Variants in ERC2 observed in about 807,000 individuals in gnomAD.
The protein encoded by ERC2 is ERC protein 2.
Under a neutral mutation model 114.8 loss-of-function variants are expected in ERC2, and 42 were observed. The observed-to-expected ratio is 0.37, with a 90% CI of 0.29 to 0.47. The LOEUF (loss-of-function observed/expected upper bound fraction) is 0.47, where lower values mean the gene tolerates loss of function less well. ERC2 is among the 20% of genes least tolerant of loss of function. The probability of loss-of-function intolerance (pLI) is 0.99; values close to 1 mark genes in which losing one functional copy is unlikely to be tolerated. For missense variants in ERC2, 939 were observed against 1,150.7 expected (o/e 0.82, Z 2.66); for synonymous variants, 454 against 425.5 (o/e 1.07, Z -0.82).
chr3:56,016,605 G>C (rs1339206731), intron 8 of ERC2, among the ~76,000 whole-genome samples: 1 of 151,996 alleles, frequency 6.6e-6, no homozygotes, highest in Non-Finnish European at 1.5e-5. Flanking sequence ...GATTTGGTAG[G>C]TATAGATGGG....
At chr3:56,463,242 A>AAAAAAC (rs1460745918) in intron 1 of ERC2, among the ~76,000 whole-genome samples, 1 of 152,162 alleles carries the variant, frequency 6.6e-6, no homozygotes, top group East Asian at 1.9e-4. Flanking sequence ...AGCAAACAAA[A>AAAAAAC]AAAAACAAAA....
intron 3 of ERC2, among the ~76,000 whole-genome samples, chr3:56,197,741 A>G (rs945501732): frequency 2.0e-5 from 3 of 152,214 alleles, no homozygotes; most frequent in African/African-American, 4.8e-5. Flanking sequence ...CAATCCACTG[A>G]TATTTCACAA....
At chr3:56,224,458 G>C (rs2050123345) in intron 3 of ERC2, among the ~76,000 whole-genome samples, 1 of 152,148 alleles carries the variant, frequency 6.6e-6, no homozygotes, top group Admixed American at 6.6e-5. Flanking sequence ...GATGGAAATA[G>C]AGATGGCGGG....
intron 17 of ERC2, among the ~76,000 whole-genome samples, chr3:55,543,802 G>T (rs1327455393): frequency 6.6e-6 from 1 of 152,022 alleles, no homozygotes; most frequent in African/African-American, 2.4e-5. Flanking sequence ...CTCTTCTCTG[G>T]TTCCTCGGAA....
intron 2 of ERC2, among the ~76,000 whole-genome samples, chr3:56,385,830 A>C (rs1193580627): frequency 2.0e-5 from 3 of 152,180 alleles, no homozygotes; most frequent in Non-Finnish European, 2.9e-5. Flanking sequence ...CTCTAAAGAC[A>C]CCAAGGCTGG....
chr3:56,032,925 A>C (rs1214828378), intron 7 of ERC2, among the ~76,000 whole-genome samples: 70 of 86,002 alleles, frequency 8.1e-4, no homozygotes, highest in East Asian at 2.4e-3. Flanking sequence ...GAAAGAAAGA[A>C]AGAAAGAAAG....
intron 12 of ERC2, among the ~76,000 whole-genome samples, chr3:55,977,988 A>G (rs187494263): frequency 2.1e-3 from 325 of 152,346 alleles, no homozygotes; most frequent in Non-Finnish European, 3.7e-3. Flanking sequence ...CACAGATATC[A>G]TATTATAAAT....
intron 3 of ERC2, among the ~76,000 whole-genome samples, chr3:56,212,295 C>T (rs1168299541): frequency 1.3e-5 from 2 of 152,110 alleles, no homozygotes; most frequent in Admixed American, 1.3e-4. Context: ...GGGCTAAGGA[C>T]ATGAACAGAC....
chr3:56,038,397 C>T (rs1057268316), intron 7 of ERC2, among the ~76,000 whole-genome samples: 1 of 152,116 alleles, frequency 6.6e-6, no homozygotes, highest in Non-Finnish European at 1.5e-5. Context: ...TATCTCACGC[C>T]AGTCAAATCC....
At chr3:56,422,910 T>C (rs1334976214) in intron 2 of ERC2, among the ~76,000 whole-genome samples, 1 of 152,190 alleles carries the variant, frequency 6.6e-6, no homozygotes, top group Admixed American at 6.5e-5. Flanking sequence ...TGCTCAAAAA[T>C]GCTTACTTCC....
chr3:55,871,658 G>C (rs60000491), intron 14 of ERC2, among the ~76,000 whole-genome samples: 258 of 152,264 alleles, frequency 1.7e-3, no homozygotes, highest in African/African-American at 5.9e-3. Context: ...AAACTCTAAC[G>C]AAGATGTAAT....
At chr3:56,432,394 T>C (rs2061831021) in intron 2 of ERC2, among the ~76,000 whole-genome samples, 1 of 152,082 alleles carries the variant, frequency 6.6e-6, no homozygotes, top group Admixed American at 6.6e-5. Context: ...AGAAAACCAG[T>C]ATAAAACTGG....
At chr3:56,227,491 C>T (rs2150166517) in intron 3 of ERC2, among the ~76,000 whole-genome samples, 1 of 151,784 alleles carries the variant, frequency 6.6e-6, no homozygotes, top group South Asian at 2.1e-4. Context: ...CCCAGGTTTA[C>T]TGGATGTCAC....
At chr3:55,560,927 C>A (rs1350762844) in intron 17 of ERC2, among the ~76,000 whole-genome samples, 1 of 152,082 alleles carries the variant, frequency 6.6e-6, no homozygotes, top group Non-Finnish European at 1.5e-5. Flanking sequence ...CCAGTAAGCC[C>A]CTAATATTCC....
At chr3:55,951,940 C>A (rs918737152) in intron 12 of ERC2, among the ~76,000 whole-genome samples, 1 of 151,686 alleles carries the variant, frequency 6.6e-6, no homozygotes, top group Non-Finnish European at 1.5e-5. Context: ...TCCAAGCAAA[C>A]GAAGCACAAG....
At chr3:56,281,137 A>G (rs1243729316) in intron 3 of ERC2, among the ~76,000 whole-genome samples, 1 of 152,188 alleles carries the variant, frequency 6.6e-6, no homozygotes, top group Non-Finnish European at 1.5e-5. Flanking sequence ...GCTATAGGAC[A>G]TTAAAAGTAT....
chr3:56,040,099 A>T, intron 7 of ERC2, among the ~76,000 whole-genome samples: 1 of 152,066 alleles, frequency 6.6e-6, no homozygotes, highest in Non-Finnish European at 1.5e-5. Context: ...ATTTTTTTTT[A>T]AATAAAACCC....
At chr3:55,536,098 T>G (rs531015978) in intron 17 of ERC2, among the ~76,000 whole-genome samples, 2 of 152,220 alleles carry the variant, frequency 1.3e-5, no homozygotes, top group Admixed American at 6.5e-5. Flanking sequence ...TTCTAAAACA[T>G]ACAAATTGGC....
chr3:56,405,759 G>GGA (rs2060694561), intron 2 of ERC2, among the ~76,000 whole-genome samples: 1 of 151,900 alleles, frequency 6.6e-6, no homozygotes, highest in East Asian at 1.9e-4. Flanking sequence ...CTCCACTATT[G>GGA]GATATTTAGG....
Sources: gnomAD v4.1 joint callset for allele counts (sites outside exome capture counted in the v4.1 genomes callset) on GRCh38, gnomAD v4.1.1 for gene constraint, MANE v1.5 for transcripts, NCBI Gene and HGNC (gene_info 2026-07-23, HGNC 2026-07-21) for gene names.